The following PCDHGB7 variants were observed in gnomAD, a reference collection of about 807,000 sequenced individuals.
The protein encoded by PCDHGB7 is protocadherin gamma subfamily B, 7.
In PCDHGB7, 37 loss-of-function variants were observed where a neutral mutation model predicts 61.4. That is an observed-to-expected ratio of 0.60 (90% confidence interval 0.46 to 0.79). PCDHGB7 has a LOEUF of 0.79. Among genes scored for constraint, PCDHGB7 ranks in the 30% least tolerant of loss-of-function variants. The pLI, the probability that PCDHGB7 is intolerant of heterozygous loss-of-function variation, is 0.00. For missense variants in PCDHGB7, 1,166 were observed against 1,202.5 expected, an observed-to-expected ratio of 0.97 and a Z score of 0.45; for synonymous variants, 464 against 503.5, an observed-to-expected ratio of 0.92 and a Z score of 1.05.
chr5:141,473,497 C>T (rs2099323546), intron 1 of PCDHGB7, among the ~76,000 whole-genome samples: 1 of 152,106 alleles, frequency 6.6e-6, no homozygotes, highest in Non-Finnish European at 1.5e-5. Context: ...ATAAGGTGTT[C>T]TGAGAGAGCA....
chr5:141,478,121 G>T lies in PCDHGB7; in HGVS notation c.2416-16686G>T. On this transcript the variant is annotated intron_variant, in intron 1 of 3. Coordinates refer to ENST00000398594, the MANE Select transcript of PCDHGB7 (RefSeq NM_018927.4). ...TACCCTCACTGTGTCAGTAACCGAG[G>T]ACTCTCCTGAAGCCCGAGCCGAGTT... 2.5e-6 allele frequency: 4 copies of T among 1,614,036 alleles called. No individual in the cohort carries two copies. In the African/African-American group the frequency reaches 4.0e-5, roughly 16 times the overall value.
chr5:141,422,398 C>T lies in PCDHGB7; in HGVS notation c.2415+2124C>T, dbSNP rs2096646163. On this transcript the variant is annotated intron_variant, in intron 1 of 3. Transcript: ENST00000398594. Reference sequence around the variant, plus strand: ...AGTCTCCTGTTTTATTCCTAACCACCTGCCTTTTAAATTAGAAAAGACTTA... The same window carrying T: ...AGTCTCCTGTTTTATTCCTAACCACTTGCCTTTTAAATTAGAAAAGACTTA... The T allele has an allele frequency of 1.9e-6, 3 of 1,597,634 alleles. No individual in the cohort carries two copies. In the Admixed American group the frequency reaches 5.3e-5, roughly 28 times the overall value.
At position 141,419,259 on chromosome 5, in the gene PCDHGB7, C is replaced by T. The variant is rs765877993; in HGVS notation, c.1400C>T (p.Pro467Leu). 1.2e-6 allele frequency: 2 copies of T among 1,613,900 alleles called. No individual in the cohort carries two copies. Among genetic ancestry groups the T allele is most frequent in the South Asian group, 2.2e-5 (2 of 91,092 alleles). ...GTCCACGTGCCAGAAAACAACCAGC[C>T]GGGTGCCTCCATAGCGCAAGTCAGT... ...YLVHVPENNQ[P>L]GASIAQVSAS... The change falls in exon 1 of 4, where the codon CCG (proline) becomes CTG (leucine). Residue 467 changes from proline (P) to leucine (L), a missense_variant. Pro to Leu is a moderately conservative substitution (Grantham distance 98). Transcript: ENST00000398594.
intron 1 of PCDHGB7, among the ~76,000 whole-genome samples, chr5:141,444,095 T>C (rs1012556994): frequency 2.0e-5 from 3 of 150,676 alleles, no homozygotes; most frequent in Admixed American, 1.3e-4. Flanking sequence ...CTGCTAAGGA[T>C]TGGAAACCAA....
chr5:141,417,718 G>A lies in PCDHGB7; in HGVS notation c.-142G>A. ...AGCTCCCACACAGAGGCTCCCGGCT[G>A]CGCAGACCTTGCCCAGCACACCAGA... On this transcript the variant is annotated 5_prime_UTR_variant, in exon 1 of 4. Coordinates refer to ENST00000398594, the MANE Select transcript of PCDHGB7 (RefSeq NM_018927.4). 7.7e-7 allele frequency: 1 copy of A among 1,304,720 alleles called. No homozygotes were observed. The highest frequency in any genetic ancestry group is 1.0e-6 in the Non-Finnish European group (1 of 979,544). The allele number at this position is 1,304,720 out of a possible 1,614,324, so 80.8% of individuals were successfully genotyped here. A position where few individuals can be genotyped will look rare whatever the true frequency, so the allele number is the denominator to read the frequency against.
In PCDHGB7 at chr5:141,489,088, G is replaced by GGCA; in HGVS notation, c.2416-5719_2416-5718insGCA. The GGCA allele has an allele frequency of 2.9e-6, 1 of 347,238 alleles. No individual in the cohort carries two copies. Among genetic ancestry groups the GGCA allele is most frequent in the Non-Finnish European group, 5.0e-6 (1 of 200,706 alleles). The allele number at this position is 347,238 out of a possible 1,614,324, so 21.5% of individuals were successfully genotyped here. A position where few individuals can be genotyped will look rare whatever the true frequency, so the allele number is the denominator to read the frequency against. The stretch of plus-strand genomic sequence containing the variant: ...CCCCTGCCCACCCCCGCCACTCGGT[G>GGCA]ACTAAGAACTGCTGCAAGCAGGCAA... On this transcript the variant is annotated intron_variant, in intron 1 of 3. Coordinates refer to ENST00000398594, the MANE Select transcript of PCDHGB7 (RefSeq NM_018927.4). This position sits in a 1 kb window ranked among gnomAD's most constrained non-coding sequence, Gnocchi z 4.5.
At position 141,418,000 on chromosome 5, in the gene PCDHGB7, G is replaced by A. The variant is rs758811293; in HGVS notation, c.141G>A (p.Val47=). The A allele has an allele frequency of 3.7e-6, 6 of 1,613,902 alleles. No homozygotes were observed. Among genetic ancestry groups the A allele is most frequent in the Admixed American group, 1.7e-5 (1 of 60,026 alleles). Reference sequence around the variant, plus strand: ...AGGAGCTGGCCAAGGGCTCGGTGGTGGGGAACCTCGCTAAGGATCTAGGGC... The same window carrying A: ...AGGAGCTGGCCAAGGGCTCGGTGGTAGGGAACCTCGCTAAGGATCTAGGGC... The part of the protein sequence containing the change: ...IPEELAKGSV[V]GNLAKDLGLS... The change falls in exon 1 of 4, where the codon GTG becomes GTA. Residue 47 remains valine, a synonymous_variant. Coordinates refer to ENST00000398594, the MANE Select transcript of PCDHGB7 (RefSeq NM_018927.4).
chr5:141,490,908 C>T lies in PCDHGB7; in HGVS notation c.2416-3899C>T, dbSNP rs201078924. On this transcript the variant is annotated intron_variant, in intron 1 of 3. Coordinates refer to ENST00000398594, the MANE Select transcript of PCDHGB7 (RefSeq NM_018927.4). This position sits in a 1 kb window ranked among gnomAD's most constrained non-coding sequence, Gnocchi z 5.4. The stretch of plus-strand genomic sequence containing the variant: ...CATCTCTGCATGTGTTTGTCCTAGA[C>T]GAGAATGATAATGCCCCAGCTGTGC... 42 of 1,613,710 alleles carry T rather than the reference C, an allele frequency of 2.6e-5. No homozygotes were observed. The highest frequency in any genetic ancestry group is 8.3e-5 in the Admixed American group (5 of 60,018).
intron 1 of PCDHGB7, among the ~76,000 whole-genome samples, chr5:141,465,347 G>A (rs2099101721): frequency 6.6e-6 from 1 of 151,938 alleles, no homozygotes; most frequent in South Asian, 2.1e-4. Context: ...GGTTACTGAA[G>A]AAAAAATGGG....
At chr5:141,428,100 G>A (rs1313410784) in intron 1 of PCDHGB7, 6 of 1,608,582 alleles carry the variant, frequency 3.7e-6, no homozygotes, top group East Asian at 2.2e-5. Context: ...GTCCTACCAC[G>A]TGCTGCAGGC....
In PCDHGB7 at chr5:141,432,112, C is replaced by T; in HGVS notation, c.2415+11838C>T. ...CAGACACCAACGACAACCCGCCGGT[C>T]TTCCCTCAGGCCTCCTATTCCGCTT... On this transcript the variant is annotated intron_variant, in intron 1 of 3. Transcript: ENST00000398594. The surrounding 1 kb of genome is among the most constrained non-coding windows in gnomAD (Gnocchi z 6.0). 1 of 1,614,186 alleles carries T rather than the reference C, an allele frequency of 6.2e-7. No individual in the cohort carries two copies. The highest frequency in any genetic ancestry group is 8.5e-7 in the Non-Finnish European group (1 of 1,180,042).
rs1212478322 is a variant in PCDHGB7 at position 141,485,871 on chromosome 5, T to G, written c.2416-8936T>G. ...ACCGCAGAGCTCCGGGTATCCGTGC[T>G]GGACGTAAACGACAACGCCCCAGCC... On this transcript the variant is annotated intron_variant, in intron 1 of 3. Coordinates refer to ENST00000398594, the MANE Select transcript of PCDHGB7 (RefSeq NM_018927.4). The surrounding 1 kb of genome is among the most constrained non-coding windows in gnomAD (Gnocchi z 5.7). 6.2e-7 allele frequency: 1 copy of G among 1,614,196 alleles called. No homozygotes were observed. The highest frequency in any genetic ancestry group is 8.5e-7 in the Non-Finnish European group (1 of 1,180,032).
chr5:141,459,617 A>G (rs900986636), intron 1 of PCDHGB7, among the ~76,000 whole-genome samples: 2 of 152,258 alleles, frequency 1.3e-5, no homozygotes, highest in African/African-American at 2.4e-5. Flanking sequence ...GCTTAACTTT[A>G]TAAGAAGCTG....
chr5:141,421,233 G>T (rs201076931), intron 1 of PCDHGB7: 2 of 1,592,240 alleles, frequency 1.3e-6, no homozygotes, highest in Non-Finnish European at 1.7e-6. Flanking sequence ...CTGCCATGGC[G>T]AATCGGCTAC....
intron 1 of PCDHGB7, among the ~76,000 whole-genome samples, chr5:141,458,758 G>T (rs1473104567): frequency 1.3e-5 from 2 of 150,844 alleles, no homozygotes; most frequent in Non-Finnish European, 3.0e-5. Context: ...TTTGAGACAG[G>T]GTCTTGCTGT....
intron 1 of PCDHGB7, chr5:141,427,297 A>G (rs1292641772): frequency 2.2e-6 from 1 of 456,900 alleles, no homozygotes; most frequent in Non-Finnish European, 4.4e-6. Context: ...ATCCTAGATG[A>G]GAATGACAAT....
chr5:141,509,595 C>T (rs968797923), intron 3 of PCDHGB7, among the ~76,000 whole-genome samples: 36 of 152,168 alleles, frequency 2.4e-4, no homozygotes, highest in African/African-American at 6.8e-4. Context: ...CTGGCAATTC[C>T]GAGAGGCTGC....
rs1358954122 is a variant in PCDHGB7, at chr5:141,491,553, C to T, written c.2416-3254C>T. On this transcript the variant is annotated intron_variant, in intron 1 of 3. Coordinates refer to ENST00000398594, the MANE Select transcript of PCDHGB7 (RefSeq NM_018927.4). This position sits in a 1 kb window ranked among gnomAD's most constrained non-coding sequence, Gnocchi z 6.9. ...CGCTGCGGCCCACAGACTCGCAGAG[C>T]CACTGCTACAGGACGTGCTTTTCAC... The T allele has an allele frequency of 6.2e-7, 1 of 1,613,954 alleles. No homozygotes were observed.
rs1457099502 is a variant in PCDHGB7 at position 141,477,430 on chromosome 5, A to G, written c.2416-17377A>G. The G allele has an allele frequency of 1.2e-6, 2 of 1,614,162 alleles. No individual in the cohort carries two copies. The highest frequency in any genetic ancestry group is 1.7e-6 in the Non-Finnish European group (2 of 1,180,020). Reference sequence around the variant, plus strand: ...GAGACGCCGGAACCCCTTCCCTCTCAGCCCTTACAATAGTGCGTGTTCAAG... The same window carrying G: ...GAGACGCCGGAACCCCTTCCCTCTCGGCCCTTACAATAGTGCGTGTTCAAG... On this transcript the variant is annotated intron_variant, in intron 1 of 3. Transcript: ENST00000398594. This position sits in a 1 kb window ranked among gnomAD's most constrained non-coding sequence, Gnocchi z 4.9.
Sources: gnomAD v4.1 joint callset for allele counts (sites outside exome capture counted in the v4.1 genomes callset) on GRCh38, gnomAD v4.1.1 for gene constraint, Gnocchi (gnomAD v3.1) non-coding constraint, MANE v1.5 for transcripts, NCBI Gene and HGNC (gene_info 2026-07-23, HGNC 2026-07-21) for gene names.